The following EBPL variants were observed in gnomAD, a reference collection of about 807,000 sequenced individuals.
The protein encoded by EBPL is emopamil-binding protein-like.
In EBPL, 20 loss-of-function variants were observed where a neutral mutation model predicts 19.0. The observed-to-expected ratio is 1.05, with a 90% CI of 0.74 to 1.53. The LOEUF is 1.53. EBPL is among the 40% of genes most tolerant of loss of function. The pLI, the probability that EBPL is intolerant of heterozygous loss-of-function variation, is 0.00. For missense variants in EBPL, 219 were observed against 261.1 expected (o/e 0.84, Z 1.11); for synonymous variants, 107 against 117.0 (o/e 0.91, Z 0.55).
intron 1 of EBPL, chr13:49,686,373 C>T: frequency 8.5e-7 from 1 of 1,169,866 alleles, no homozygotes; most frequent in Non-Finnish European, 1.1e-6. Context: ...TCATCTACTG[C>T]CCAGCTTCTC....
intron 1 of EBPL, among the ~76,000 whole-genome samples, chr13:49,673,837 G>C (rs1176313893): frequency 6.6e-6 from 1 of 152,126 alleles, no homozygotes; most frequent in Non-Finnish European, 1.5e-5. Context: ...GGTGTGGGGT[G>C]GGGGGATGTG....
intron 1 of EBPL, among the ~76,000 whole-genome samples, chr13:49,687,904 C>T (rs986253701): frequency 6.6e-6 from 1 of 152,164 alleles, no homozygotes; most frequent in African/African-American, 2.4e-5. Context: ...CTGCTTTGGC[C>T]ACGTGACTTC....
chr13:49,682,534 C>T (rs1326822254), intron 1 of EBPL, among the ~76,000 whole-genome samples: 1 of 152,212 alleles, frequency 6.6e-6, no homozygotes, highest in Non-Finnish European at 1.5e-5. Flanking sequence ...TGCCTTACAT[C>T]TTTGCCATTC....
intron 1 of EBPL, 46 bp downstream of exon 1, chr13:49,691,208 C>T: frequency 7.8e-7 from 1 of 1,287,378 alleles, no homozygotes; most frequent in Non-Finnish European, 9.9e-7. Flanking sequence ...GCCCCCGCTC[C>T]CACTCTCTGG....
rs1000612231 is a variant in EBPL, at chr13:49,660,880, C to G, written c.*88G>C. On this transcript the variant is annotated 3_prime_UTR_variant, in exon 4 of 4. Transcript: ENST00000242827. ...CAACAATACAAAAACAAAGTGTAGACTGGAATGTATTACATTTTGGCCAAA... is the reference window on the plus strand; with the variant it reads ...CAACAATACAAAAACAAAGTGTAGAGTGGAATGTATTACATTTTGGCCAAA... 1 of 1,171,042 alleles carries G rather than the reference C, an allele frequency of 8.5e-7. No homozygotes were observed. The highest frequency in any genetic ancestry group is 1.2e-6 in the Non-Finnish European group (1 of 815,282). The allele number at this position is 1,171,042 out of a possible 1,614,324, so 72.5% of individuals were successfully genotyped here. A position where few individuals can be genotyped will look rare whatever the true frequency, so the allele number is the denominator to read the frequency against.
chr13:49,688,756 G>A (rs1954028993), intron 1 of EBPL, among the ~76,000 whole-genome samples: 1 of 151,328 alleles, frequency 6.6e-6, no homozygotes, highest in African/African-American at 2.4e-5. Flanking sequence ...TCGGGTTAAG[G>A]AGAGGCAACT....
At chr13:49,676,302 C>T (rs1353029841) in intron 1 of EBPL, among the ~76,000 whole-genome samples, 1 of 152,172 alleles carries the variant, frequency 6.6e-6, no homozygotes, top group African/African-American at 2.4e-5. Flanking sequence ...TCTTTAAAAC[C>T]CTAGTGAGGC....
intron 1 of EBPL, among the ~76,000 whole-genome samples, chr13:49,689,655 A>G (rs1462469806): frequency 6.6e-6 from 1 of 151,864 alleles, no homozygotes; most frequent in African/African-American, 2.4e-5. Flanking sequence ...TATGTTATAC[A>G]TTTTTATATA....
At chr13:49,665,695 G>A (rs191914178) in intron 2 of EBPL, among the ~76,000 whole-genome samples, 4 of 150,880 alleles carry the variant, frequency 2.7e-5, no homozygotes, top group African/African-American at 7.3e-5. Context: ...GTGGGCCACC[G>A]TGTCCAGCCT....
At chr13:49,671,294 C>A (rs554223036) in intron 1 of EBPL, among the ~76,000 whole-genome samples, 12 of 152,262 alleles carry the variant, frequency 7.9e-5, no homozygotes, top group African/African-American at 2.6e-4. Context: ...TGTGACACCA[C>A]ATTCAGCTAA....
intron 1 of EBPL, among the ~76,000 whole-genome samples, chr13:49,681,573 G>A (rs897866981): frequency 2.0e-5 from 3 of 152,162 alleles, no homozygotes; most frequent in Non-Finnish European, 4.4e-5. Context: ...TTACAGGCGT[G>A]AGCCACCACA....
chr13:49,673,219 A>C lies in EBPL; in HGVS notation c.172-3373T>G, dbSNP rs545257223. 7.9e-5 allele frequency among the ~76,000 whole-genome samples: 12 copies of C among 152,306 alleles called. No individual in the cohort carries two copies. The East Asian group carries it at 1.5e-3, about 20-fold the overall frequency. ...AGAAGCGATACAGCCACTAAAAAAA[A>C]CCAGAGTTTGGCAGTTTCTTCTAAA... On this transcript the variant is annotated intron_variant, in intron 1 of 3. Coordinates refer to ENST00000242827, the MANE Select transcript of EBPL (RefSeq NM_032565.5).
intron 2 of EBPL, among the ~76,000 whole-genome samples, chr13:49,666,228 A>G (rs945565228): frequency 1.3e-5 from 2 of 152,180 alleles, no homozygotes; most frequent in Non-Finnish European, 1.5e-5. Flanking sequence ...CCACAGGCAG[A>G]CTGGTGGGAA....
intron 2 of EBPL, chr13:49,668,486 A>G: frequency 3.9e-6 from 1 of 258,316 alleles, no homozygotes; most frequent in Non-Finnish European, 7.8e-6. Flanking sequence ...AGGCAGGAGA[A>G]TGGCGTGAAC....
At position 49,678,863 on chromosome 13, in the gene EBPL, TAGTC is replaced by T. The variant is rs200979325; in HGVS notation, c.172-9021_172-9018del. Among the ~76,000 whole-genome samples, 1,203 of 151,396 alleles carry T rather than the reference TAGTC, an allele frequency of 7.9e-3. 12 individuals are homozygous for T. Among genetic ancestry groups the T allele is most frequent in the African/African-American group, 0.027 (1,130 of 41,202 alleles). On this transcript the variant is annotated intron_variant, in intron 1 of 3. Coordinates refer to ENST00000242827, the MANE Select transcript of EBPL (RefSeq NM_032565.5). The stretch of plus-strand genomic sequence containing the variant: ...TTAAAAAATACAAAAAAATAAAAAT[TAGTC>T]AGGCATGGGTGGCACGCGCCTGTAT...
At chr13:49,672,328 C>T (rs776991798) in intron 1 of EBPL, among the ~76,000 whole-genome samples, 4 of 152,154 alleles carry the variant, frequency 2.6e-5, no homozygotes, top group South Asian at 2.1e-4. Flanking sequence ...TCAAGTGTAA[C>T]GAATATTCAT....
At chr13:49,661,280 G>T in intron 3 of EBPL, 72 bp from the exon 4 acceptor site, 2 of 1,218,720 alleles carry the variant, frequency 1.6e-6, no homozygotes, top group Non-Finnish European at 2.4e-6. Flanking sequence ...ATGACATCTT[G>T]TCTGTAATGG....
chr13:49,661,876 T>C, intron 3 of EBPL: 1 of 1,550,606 alleles, frequency 6.4e-7, no homozygotes, highest in Non-Finnish European at 8.7e-7. Context: ...TTGAAATTGT[T>C]TTAGGGATTC....
intron 1 of EBPL, among the ~76,000 whole-genome samples, chr13:49,688,509 G>A (rs541046101): frequency 1.3e-5 from 2 of 152,224 alleles, no homozygotes; most frequent in East Asian, 3.9e-4. Flanking sequence ...CACGAGGTCA[G>A]GAGATCGAGA....
Sources: allele counts gnomAD v4.1 joint callset (sites outside exome capture counted in the v4.1 genomes callset), GRCh38; gene constraint gnomAD v4.1.1; transcripts MANE v1.5; gene names NCBI Gene and HGNC (gene_info 2026-07-23, HGNC 2026-07-21).